SNED1: variants seen among roughly 807,000 people sequenced by gnomAD.
The protein encoded by SNED1 is sushi, nidogen and EGF like domains 1.
Under a neutral mutation model 166.7 loss-of-function variants are expected in SNED1, and 81 were observed. The ratio of observed to expected loss-of-function variants is 0.49; its 90% confidence interval spans 0.41 to 0.58. The LOEUF (loss-of-function observed/expected upper bound fraction) is 0.58. SNED1 is among the 20% of genes least tolerant of loss of function. The pLI is 0.00. For missense variants in SNED1, 1,604 were observed against 2,000.2 expected (o/e 0.80, Z 3.78); for synonymous variants, 762 against 822.0 (o/e 0.93, Z 1.25).
rs745702821 is a variant in SNED1, at chr2:241,071,654, C to CGCGCCTGCCGGAGCT, written c.3677_3691dup (p.Pro1226_Leu1230dup). On this transcript the variant is annotated inframe_insertion, in exon 25 of 32. Transcript: ENST00000310397. ...GTGCTCAAGAACAGACCGCCCCCGG[C>CGCGCCTGCCGGAGCT]GCGCCTGCCGGAGCTGCGCCTGCTC... 1.5e-5 allele frequency: 24 copies of CGCGCCTGCCGGAGCT among 1,569,334 alleles called. No individual in the cohort carries two copies. The highest frequency in any genetic ancestry group is 1.8e-5 in the Non-Finnish European group (21 of 1,164,736).
In SNED1 at chr2:241,082,353, C is replaced by G. The variant is rs371924334; in HGVS notation, c.4110C>G (p.Val1370=). The G allele has an allele frequency of 6.2e-7, 1 of 1,613,196 alleles. No homozygotes were observed. Among genetic ancestry groups the G allele is most frequent in the Non-Finnish European group, 8.5e-7 (1 of 1,179,302 alleles). Residue 1370 remains valine (V), a synonymous_variant, in exon 29 of 32, where the codon GTC becomes GTG. Transcript: ENST00000310397. ...TKAFPVWEGG[V]CHHVYKRVYR... ...CCTTTCCAGTCTGGGAGGGAGGCGTCTGTCACCACGTGTAAGTTGGTTTCT... is the reference window on the plus strand; with the variant it reads ...CCTTTCCAGTCTGGGAGGGAGGCGTGTGTCACCACGTGTAAGTTGGTTTCT...
intron 16 of SNED1, among the ~76,000 whole-genome samples, chr2:241,056,027 C>T (rs551657691): frequency 4.0e-5 from 6 of 148,978 alleles, no homozygotes; most frequent in Non-Finnish European, 5.9e-5. Flanking sequence ...TGTTCTTATA[C>T]GCACTATGTC....
At chr2:241,087,694 G>A in intron 30 of SNED1, 1 of 1,367,284 alleles carries the variant, frequency 7.3e-7, no homozygotes, top group Non-Finnish European at 9.4e-7. Flanking sequence ...GGCATGCTGG[G>A]TGCTGGGGGG....
At chr2:241,062,677 A>G (rs924213333) in intron 16 of SNED1, 114 bp from the exon 17 acceptor site, 8 of 759,670 alleles carry the variant, frequency 1.1e-5, no homozygotes, top group African/African-American at 5.2e-5. Context: ...GGCCTTTCCA[A>G]CCACTGATGA....
At chr2:241,087,104 T>C (rs772302174) in intron 29 of SNED1, 14 of 347,784 alleles carry the variant, frequency 4.0e-5, no homozygotes, top group Non-Finnish European at 6.7e-5. Context: ...TCTTTGACAT[T>C]TCACATTTTA....
At chr2:241,057,040 A>G (rs1258006776) in intron 16 of SNED1, among the ~76,000 whole-genome samples, 2 of 152,206 alleles carry the variant, frequency 1.3e-5, no homozygotes, top group Non-Finnish European at 2.9e-5. Context: ...GAAGAAATAC[A>G]TCAACCCACA....
intron 1 of SNED1, among the ~76,000 whole-genome samples, chr2:241,020,079 T>G (rs1225255345): frequency 6.6e-6 from 1 of 152,218 alleles, no homozygotes; most frequent in Non-Finnish European, 1.5e-5. Context: ...AGAATGTTCT[T>G]AATACTTTTA....
At chr2:241,000,034 A>G (rs759946259) in intron 1 of SNED1, among the ~76,000 whole-genome samples, 2 of 151,984 alleles carry the variant, frequency 1.3e-5, no homozygotes, top group Non-Finnish European at 2.9e-5. Context: ...CGCCTCTGCC[A>G]TCTGTGCTGC....
chr2:241,062,912 G>T lies in SNED1; in HGVS notation c.2371+8G>T, dbSNP rs747173638. On this transcript the variant is annotated splice_region_variant and intron_variant, in intron 17 of 31. Transcript: ENST00000310397. ...GCGCCCACTGTGAGCTGGGTAAGAG[G>T]GGCCCTGGCCCCGCTGGGGTGACAG... 6.4e-6 allele frequency: 10 copies of T among 1,567,258 alleles called. 1 individual carries two copies. In the South Asian group the frequency reaches 1.1e-4, roughly 18 times the overall value.
At chr2:241,058,810 C>T (rs971320244) in intron 16 of SNED1, among the ~76,000 whole-genome samples, 2 of 151,972 alleles carry the variant, frequency 1.3e-5, no homozygotes, top group South Asian at 2.1e-4. Flanking sequence ...ATTAGCTGGG[C>T]GAGGTGGCGG....
Position 241,051,948 on chromosome 2 carries a change from G to A in SNED1, c.1852+88G>A. ...TGATGCACCCTCCCTGCCAGCTGTG[G>A]GTCTGCTTCTCATGAAGAGGCCCCA... is the stretch of plus-strand genomic sequence containing the variant. On this transcript the variant is annotated intron_variant, in intron 13 of 31. Transcript: ENST00000310397. This position sits in a 1 kb window ranked among gnomAD's most constrained non-coding sequence, Gnocchi z 4.7. 4.1e-6 allele frequency: 6 copies of A among 1,481,088 alleles called. No homozygotes were observed. The South Asian group carries it at 7.2e-5, about 18-fold the overall frequency. 91.7% of individuals were successfully genotyped at this position (1,481,088 alleles called of 1,614,324 possible).
intron 9 of SNED1, 103 bp from the exon 10 acceptor site, chr2:241,048,559 G>A: frequency 6.7e-7 from 1 of 1,495,502 alleles, no homozygotes; most frequent in Non-Finnish European, 9.1e-7. Context: ...CGCGTCCACT[G>A]CAATTTGTAT....
Position 241,064,078 on chromosome 2 carries a change from A to C in SNED1, c.2552A>C (p.Tyr851Ser), listed in dbSNP as rs1184002168. 1 of 1,568,698 alleles carries C rather than the reference A, an allele frequency of 6.4e-7. No individual in the cohort carries two copies. The highest frequency in any genetic ancestry group is 8.6e-7 in the Non-Finnish European group (1 of 1,158,712). ...CGGTGTGAGAGCGGCGGCGGGGCCT[A>C]CCTGTGCGTCTGCCCAGAGAGCTTC... ...GGRCESGGGA[Y>S]LCVCPESFFG... Residue 851 changes from tyrosine (Y) to serine (S), a missense_variant, in exon 19 of 32, where the codon TAC becomes TCC. Tyr to Ser is a moderately radical substitution (Grantham distance 144). This residue lies in a region of SNED1 where 1,237 missense variants were observed against 1,620.8 expected (regional missense o/e 0.76). Coordinates refer to ENST00000310397, the MANE Select transcript of SNED1 (RefSeq NM_001080437.3). This position sits in a 1 kb window ranked among gnomAD's most constrained non-coding sequence, Gnocchi z 7.0.
At chr2:241,015,415 A>C (rs2060548345) in intron 1 of SNED1, among the ~76,000 whole-genome samples, 1 of 152,208 alleles carries the variant, frequency 6.6e-6, no homozygotes, top group Non-Finnish European at 1.5e-5. Context: ...TATTGCTGGC[A>C]CATAGAACTA....
chr2:241,090,480 C>T lies in SNED1; in HGVS notation c.*2-1158C>T, dbSNP rs141078921. On this transcript the variant is annotated intron_variant, in intron 31 of 31. Transcript: ENST00000310397. ...ATAATGATGAAGAGTATAGTAAATACGTAAACCAGTAACATCACAAATTAT... is the reference window on the plus strand; with the variant it reads ...ATAATGATGAAGAGTATAGTAAATATGTAAACCAGTAACATCACAAATTAT... 1.0e-4 allele frequency: 153 copies of T among 1,510,154 alleles called. No homozygotes were observed. In the African/African-American group the frequency reaches 1.7e-3, roughly 17 times the overall value. The allele number at this position is 1,510,154 out of a possible 1,614,324, so 93.5% of individuals were successfully genotyped here. A position where few individuals can be genotyped will look rare whatever the true frequency, so the allele number is the denominator to read the frequency against.
At position 241,068,784 on chromosome 2, in the gene SNED1, C is replaced by CT; in HGVS notation, c.3195-126dup. ...TGAGTCTGCCCCTCGTGGAGGTTGC[C>CT]TGGGCCACCAGCAGCAGGATGACCT... On this transcript the variant is annotated intron_variant, in intron 22 of 31. Transcript: ENST00000310397. The surrounding 1 kb of genome is among the most constrained non-coding windows in gnomAD (Gnocchi z 5.3). 1.5e-6 allele frequency: 1 copy of CT among 664,162 alleles called. No individual in the cohort carries two copies. The highest frequency in any genetic ancestry group is 2.6e-6 in the Non-Finnish European group (1 of 382,664). 41.1% of individuals were successfully genotyped at this position (664,162 alleles called of 1,614,324 possible).
At chr2:241,012,830 T>C (rs1392893865) in intron 1 of SNED1, among the ~76,000 whole-genome samples, 2 of 151,202 alleles carry the variant, frequency 1.3e-5, no homozygotes, top group South Asian at 2.1e-4. Flanking sequence ...TTTTTCTTTT[T>C]TTTTTTTTTT....
chr2:241,032,956 A>T (rs548017357), intron 2 of SNED1, among the ~76,000 whole-genome samples: 74 of 152,300 alleles, frequency 4.9e-4, no homozygotes, highest in African/African-American at 1.6e-3. Context: ...TTGCCATTCA[A>T]TTTGATCTTA....
At chr2:241,089,452 C>A in intron 31 of SNED1, 4 of 1,541,686 alleles carry the variant, frequency 2.6e-6, no homozygotes, top group Middle Eastern at 3.4e-4. Flanking sequence ...CTCACACACA[C>A]CAAAGGAAGA....
Sources: allele counts gnomAD v4.1 joint callset (sites outside exome capture counted in the v4.1 genomes callset), GRCh38; gene constraint gnomAD v4.1.1; regional missense constraint gnomAD v4.1.1; non-coding constraint Gnocchi (gnomAD v3.1); transcripts MANE v1.5; gene names NCBI Gene and HGNC (gene_info 2026-07-23, HGNC 2026-07-21).